The following GTF3C1 variants were observed in gnomAD, a reference collection of about 807,000 sequenced individuals.
GTF3C1 encodes general transcription factor 3C polypeptide 1.
GTF3C1 carries 57 observed loss-of-function variants against 226.7 expected under a neutral mutation model. That is an observed-to-expected ratio of 0.25 (90% confidence interval 0.20 to 0.31). The LOEUF (loss-of-function observed/expected upper bound fraction) is 0.31. Ranked by LOEUF, GTF3C1 falls within the 10% of genes least tolerant of loss-of-function variation. The probability of loss-of-function intolerance (pLI) is 1.00; values close to 1 mark genes in which losing one functional copy is unlikely to be tolerated. For synonymous variants in GTF3C1, 1,090 were observed against 1,084.8 expected (o/e 1.00, Z -0.09); for missense variants, 2,217 against 2,776.1 (o/e 0.80, Z 4.53).
At chr16:27,525,525 C>T (rs1386675926) in intron 6 of GTF3C1, among the ~76,000 whole-genome samples, 1 of 152,230 alleles carries the variant, frequency 6.6e-6, no homozygotes, top group East Asian at 1.9e-4. Flanking sequence ...ATCTCCTCCA[C>T]AAGACTTTTC....
chr16:27,500,116 C>T (rs1433241904), intron 12 of GTF3C1, among the ~76,000 whole-genome samples: 1 of 152,184 alleles, frequency 6.6e-6, no homozygotes, highest in Non-Finnish European at 1.5e-5. Context: ...CTCTCCCTAA[C>T]CCTAGACTGG....
rs764803855 is a variant in GTF3C1 at position 27,469,375 on chromosome 16, G to T, written c.4990C>A (p.Pro1664Thr). Residue 1664 changes from proline to threonine, a missense_variant, in exon 32 of 37, where the codon CCC (proline) becomes ACC (threonine). Pro to Thr is a conservative substitution (Grantham distance 38). Coordinates refer to ENST00000356183, the MANE Select transcript of GTF3C1 (RefSeq NM_001520.4). The surrounding 1 kb of genome is among the most constrained non-coding windows in gnomAD (Gnocchi z 4.5). ...PGIVSTRNLN[P>T]NDSIVVNSCQ... ...GAGTTGACCACAATGCTGTCGTTGG[G>T]GTTGAGGTTGCGGGTGCTGACGATG... 24 of 1,611,888 alleles carry T rather than the reference G, an allele frequency of 1.5e-5. No individual in the cohort carries two copies. The highest frequency in any genetic ancestry group is 2.0e-5 in the Non-Finnish European group (24 of 1,179,072).
intron 26 of GTF3C1, among the ~76,000 whole-genome samples, chr16:27,481,905 T>C (rs2088054757): frequency 6.6e-6 from 1 of 152,128 alleles, no homozygotes; most frequent in African/African-American, 2.4e-5. Flanking sequence ...TGTCTGTGGG[T>C]CACCTATTCC....
At chr16:27,537,261 C>T (rs1407925187) in intron 4 of GTF3C1, among the ~76,000 whole-genome samples, 2 of 152,150 alleles carry the variant, frequency 1.3e-5, no homozygotes, top group Non-Finnish European at 2.9e-5. Flanking sequence ...TTAATGGTTC[C>T]TATTGTTAGC....
chr16:27,513,376 C>A (rs1006463190), intron 6 of GTF3C1, among the ~76,000 whole-genome samples: 1 of 152,130 alleles, frequency 6.6e-6, no homozygotes, highest in African/African-American at 2.4e-5. Context: ...ATTGCTTGAG[C>A]CTGGGAGGTC....
At chr16:27,511,683 G>C in intron 7 of GTF3C1, 66 bp downstream of exon 7, 1 of 1,541,478 alleles carries the variant, frequency 6.5e-7, no homozygotes, top group Non-Finnish European at 8.9e-7. Flanking sequence ...TCGACATGTG[G>C]GCAAAGCGCT....
intron 4 of GTF3C1, among the ~76,000 whole-genome samples, chr16:27,534,236 A>G (rs538104178): frequency 6.6e-6 from 1 of 152,352 alleles, no homozygotes; most frequent in South Asian, 2.1e-4. Context: ...AGCGGATGTC[A>G]TGATCAATGC....
intron 10 of GTF3C1, 60 bp downstream of exon 10, chr16:27,505,838 AG>A: frequency 2.1e-6 from 2 of 948,364 alleles, no homozygotes; most frequent in Admixed American, 3.6e-5. Flanking sequence ...TCCTAAACAC[AG>A]AAACGATGAG....
chr16:27,473,324 G>A (rs1390666299), intron 29 of GTF3C1, among the ~76,000 whole-genome samples: 2 of 152,258 alleles, frequency 1.3e-5, no homozygotes, highest in Non-Finnish European at 2.9e-5. Context: ...CCCGCCTAGT[G>A]AACAAGCAGC....
At chr16:27,500,634 C>T (rs2088391094) in intron 12 of GTF3C1, among the ~76,000 whole-genome samples, 2 of 152,164 alleles carry the variant, frequency 1.3e-5, no homozygotes, top group South Asian at 2.1e-4. Flanking sequence ...TTACCCTGAC[C>T]GTGAAAAACG....
intron 6 of GTF3C1, among the ~76,000 whole-genome samples, chr16:27,518,365 C>T (rs2088694295): frequency 6.6e-6 from 1 of 152,244 alleles, no homozygotes; most frequent in South Asian, 2.1e-4. Context: ...GCAGCCTTTG[C>T]TGGTTGTATA....
At chr16:27,489,864 A>C (rs908645192) in intron 19 of GTF3C1, 121 bp from the exon 20 acceptor site, 1 of 909,256 alleles carries the variant, frequency 1.1e-6, no homozygotes. Context: ...CTCCCCGGCC[A>C]CTGCGGGGGT....
chr16:27,535,910 C>T (rs1048651399), intron 4 of GTF3C1, among the ~76,000 whole-genome samples: 1 of 151,998 alleles, frequency 6.6e-6, no homozygotes, highest in Non-Finnish European at 1.5e-5. Flanking sequence ...TAGTGCAATA[C>T]CATAAACCTT....
chr16:27,482,688 C>T (rs1470138429), intron 26 of GTF3C1: 2 of 458,212 alleles, frequency 4.4e-6, no homozygotes, highest in Non-Finnish European at 4.4e-6. Flanking sequence ...TCAGCCACCG[C>T]CTTGGCCCCT....
chr16:27,467,917 T>C (rs548703850), intron 32 of GTF3C1, among the ~76,000 whole-genome samples: 2 of 152,206 alleles, frequency 1.3e-5, no homozygotes, highest in South Asian at 2.1e-4. Context: ...ATAGCTATTA[T>C]AGTGATTCCT....
At position 27,492,840 on chromosome 16, in the gene GTF3C1, A is replaced by G. The variant is rs1005360743; in HGVS notation, c.2877-127T>C. 1.5e-6 allele frequency: 1 copy of G among 676,974 alleles called. No homozygotes were observed. The highest frequency in any genetic ancestry group is 1.8e-5 in the African/African-American group (1 of 56,278). 41.9% of individuals were successfully genotyped at this position (676,974 alleles called of 1,614,324 possible). On this transcript the variant is annotated intron_variant, in intron 17 of 36. Transcript: ENST00000356183. The surrounding 1 kb of genome is among the most constrained non-coding windows in gnomAD (Gnocchi z 5.0). ...TCCACCTGGTGGTCACTGGAGGACC[A>G]GCCTCAAGCCCACACTGCACTAAGG... is the stretch of plus-strand genomic sequence containing the variant.
At chr16:27,489,772 T>C in intron 19 of GTF3C1, 29 bp from the exon 20 acceptor site, 1 of 1,601,506 alleles carries the variant, frequency 6.2e-7, no homozygotes, top group Non-Finnish European at 8.5e-7. Context: ...GGGTGACCAA[T>C]CACGCCTTCC....
At chr16:27,524,408 G>A (rs774179213) in intron 6 of GTF3C1, among the ~76,000 whole-genome samples, 1 of 152,182 alleles carries the variant, frequency 6.6e-6, no homozygotes, top group Non-Finnish European at 1.5e-5. Context: ...CTGTGGCCCT[G>A]CTCTATGTCT....
At position 27,511,847 on chromosome 16, in the gene GTF3C1, T is replaced by A. The variant is rs1260792052; in HGVS notation, c.1028A>T (p.Asp343Val). The A allele has an allele frequency of 2.5e-6, 4 of 1,614,102 alleles. No individual in the cohort carries two copies. The highest frequency in any genetic ancestry group is 3.4e-6 in the Non-Finnish European group (4 of 1,180,012). ...CTCCTCGTCCTCGTCATCATCATGG[T>A]CATTCCGTTTAAATTCCTTCAGCAG... Reference protein sequence around the residue: ...LKLLKEFKRNDHDDDEDEEVI... With the variant: ...LKLLKEFKRNVHDDDEDEEVI... The change falls in exon 7 of 37, where the codon GAC (aspartate) becomes GTC (valine). Residue 343 changes from aspartate to valine, a missense_variant. Around this residue, in one of 12 missense-constraint regions of GTF3C1, gnomAD observed 163 missense variants for 234.3 expected, o/e 0.70. Transcript: ENST00000356183.
Sources: gnomAD v4.1 joint callset for allele counts (sites outside exome capture counted in the v4.1 genomes callset) on GRCh38, gnomAD v4.1.1 for gene constraint, gnomAD v4.1.1 regional missense constraint, Gnocchi (gnomAD v3.1) non-coding constraint, MANE v1.5 for transcripts, NCBI Gene and HGNC (gene_info 2026-07-23, HGNC 2026-07-21) for gene names.